The following AGBL1 variants were observed in gnomAD, a reference collection of about 807,000 sequenced individuals.
AGBL1 encodes AGBL carboxypeptidase 1, also known as cytosolic carboxypeptidase 4.
In AGBL1, 130 loss-of-function variants were observed where a neutral mutation model predicts 118.9. That is an observed-to-expected ratio of 1.09 (90% CI 0.95 to 1.26). The LOEUF is 1.26. AGBL1 is among the 50% of genes most tolerant of loss of function. The probability of loss-of-function intolerance (pLI) is 0.00; values close to 1 mark genes in which losing one functional copy is unlikely to be tolerated. For missense variants in AGBL1, 1,584 were observed against 1,298.1 expected, an observed-to-expected ratio of 1.22 and a Z score of -3.38; for synonymous variants, 555 against 478.9, an observed-to-expected ratio of 1.16 and a Z score of -2.08.
intron 6 of AGBL1, among the ~76,000 whole-genome samples, chr15:86,234,794 G>A (rs10852074): frequency 0.73 from 110,586 of 152,000 alleles, 41,133 homozygotes; most frequent in African/African-American, 0.88. Context: ...ACTGGATCTT[G>A]GTACATCTCA....
intron 18 of AGBL1, among the ~76,000 whole-genome samples, chr15:86,481,049 A>G (rs1011637540): frequency 4.6e-5 from 7 of 151,790 alleles, no homozygotes; most frequent in African/African-American, 1.7e-4. Context: ...AGAGGGAGGT[A>G]GCAGAACAAA....
chr15:86,469,621 G>C (rs1177569605), intron 18 of AGBL1, among the ~76,000 whole-genome samples: 1 of 152,088 alleles, frequency 6.6e-6, no homozygotes, highest in Non-Finnish European at 1.5e-5. Flanking sequence ...CTGGATCATA[G>C]GGTAGTTCAT....
chr15:86,724,066 T>C (rs1460471205), intron 22 of AGBL1, among the ~76,000 whole-genome samples: 1 of 151,780 alleles, frequency 6.6e-6, no homozygotes, highest in East Asian at 1.9e-4. Flanking sequence ...AAAACCCGTC[T>C]CTAATAAAAA....
intron 7 of AGBL1, 52 bp from the exon 8 acceptor site, chr15:86,256,801 T>C: frequency 6.3e-7 from 1 of 1,593,624 alleles, no homozygotes; most frequent in South Asian, 1.1e-5. Context: ...GTGTTACAGC[T>C]AGGGGACTGT....
intron 1 of AGBL1, among the ~76,000 whole-genome samples, chr15:86,115,137 T>C (rs1897674285): frequency 6.6e-6 from 1 of 152,184 alleles, no homozygotes; most frequent in Admixed American, 6.5e-5. Context: ...AGACCACTTT[T>C]GTTTTCCTAA....
intron 17 of AGBL1, among the ~76,000 whole-genome samples, chr15:86,348,889 T>C (rs2080581527): frequency 6.6e-6 from 1 of 151,746 alleles, no homozygotes; most frequent in South Asian, 2.1e-4. Flanking sequence ...TTCAGAAAAC[T>C]ATGAATGTGA....
At chr15:86,308,520 G>C (rs949517859) in intron 17 of AGBL1, among the ~76,000 whole-genome samples, 3 of 152,130 alleles carry the variant, frequency 2.0e-5, no homozygotes, top group African/African-American at 7.2e-5. Flanking sequence ...AAGCCACCCA[G>C]TCTATAATAT....
chr15:86,208,012 T>A (rs1355544895), intron 5 of AGBL1, among the ~76,000 whole-genome samples: 1 of 30,412 alleles, frequency 3.3e-5, no homozygotes, highest in Non-Finnish European at 6.3e-5. Flanking sequence ...TATTGAGAGT[T>A]TTTTTTTTTA....
chr15:86,590,928 T>A (rs879177509), intron 21 of AGBL1, among the ~76,000 whole-genome samples: 1 of 152,230 alleles, frequency 6.6e-6, no homozygotes, highest in East Asian at 1.9e-4. Context: ...AAAATATACA[T>A]TGATACAGTA....
chr15:86,705,379 A>T (rs1177744143), intron 22 of AGBL1, among the ~76,000 whole-genome samples: 1 of 152,168 alleles, frequency 6.6e-6, no homozygotes, highest in East Asian at 1.9e-4. Flanking sequence ...GTAAGAATGG[A>T]CTAAAACATA....
intron 22 of AGBL1, among the ~76,000 whole-genome samples, chr15:86,795,012 G>A (rs931288787): frequency 1.3e-5 from 2 of 151,610 alleles, no homozygotes; most frequent in Admixed American, 1.3e-4. Flanking sequence ...GAAAATAAGA[G>A]ACCCAGCACC....
In AGBL1 at chr15:86,616,090, G is replaced by A. The variant is rs150117763; in HGVS notation, c.2995-58183G>A. 3.9e-5 allele frequency among the ~76,000 whole-genome samples: 6 copies of A among 152,018 alleles called. No individual in the cohort carries two copies. The East Asian group carries it at 5.8e-4, about 15-fold the overall frequency. On this transcript the variant is annotated intron_variant, in intron 21 of 22. Transcript: ENST00000614907. ...ATTGGCTCACCCCTGTAATCCCAGC[G>A]CTTTGGGAGGCTGAGGCAAGTGGAT...
In AGBL1 at chr15:86,630,170, G is replaced by A. The variant is rs2084942169; in HGVS notation, c.2995-44103G>A. ...GCCATGTCTGTCCAACTTCCTTTGT[G>A]TACAAGGTTAATGACTGTGTTTTGT... is the stretch of plus-strand genomic sequence containing the variant. On this transcript the variant is annotated intron_variant, in intron 21 of 22. Coordinates refer to ENST00000614907, the MANE Select transcript of AGBL1 (RefSeq NM_001386094.1). The A allele has an allele frequency of 4.6e-5, 7 of 152,210 alleles. No homozygotes were observed. In the South Asian group the frequency reaches 1.4e-3, roughly 31 times the overall value. The allele number at this position is 152,210 out of a possible 1,614,324, so 9.4% of individuals were successfully genotyped here. A position where few individuals can be genotyped will look rare whatever the true frequency, so the allele number is the denominator to read the frequency against.
chr15:86,756,384 G>A (rs768244843), intron 22 of AGBL1, among the ~76,000 whole-genome samples: 2 of 151,898 alleles, frequency 1.3e-5, no homozygotes, highest in Non-Finnish European at 1.5e-5. Context: ...ACTACCATGT[G>A]CTGGGGATTG....
intron 18 of AGBL1, among the ~76,000 whole-genome samples, chr15:86,439,259 G>A (rs1028077529): frequency 2.0e-5 from 3 of 152,066 alleles, no homozygotes; most frequent in Non-Finnish European, 4.4e-5. Context: ...ATATTTAAAC[G>A]TTGAAACTAA....
Position 86,886,498 on chromosome 15 carries a change from GC to G in AGBL1, c.3159-20587del, listed in dbSNP as rs1173987413. 9.9e-5 allele frequency among the ~76,000 whole-genome samples: 15 copies of G among 152,230 alleles called. No homozygotes were observed. The East Asian group carries it at 2.9e-3, about 29-fold the overall frequency. On this transcript the variant is annotated intron_variant, in intron 22 of 22. Coordinates refer to ENST00000614907, the MANE Select transcript of AGBL1 (RefSeq NM_001386094.1). ...CAAGTTTAAAGAAGAGAATTATTCT[GC>G]CTTTCTTTAATTAGCATTTGTTTTG...
intron 21 of AGBL1, among the ~76,000 whole-genome samples, chr15:86,577,624 A>C (rs11635431): frequency 1.3e-5 from 2 of 151,962 alleles, no homozygotes; most frequent in African/African-American, 4.8e-5. Flanking sequence ...TGGCCTGGAG[A>C]TCTGAGGGGA....
At chr15:86,689,645 C>T (rs1021925380) in intron 22 of AGBL1, among the ~76,000 whole-genome samples, 7 of 151,984 alleles carry the variant, frequency 4.6e-5, no homozygotes, top group Admixed American at 4.6e-4. Context: ...TGGGGATTTA[C>T]ACCCATGGCA....
chr15:86,581,602 C>G (rs906375580), intron 21 of AGBL1, among the ~76,000 whole-genome samples: 1 of 152,154 alleles, frequency 6.6e-6, no homozygotes, highest in Admixed American at 6.5e-5. Flanking sequence ...GTTTCCATAA[C>G]AAATCAATTT....
Sources: gnomAD v4.1 joint callset for allele counts (sites outside exome capture counted in the v4.1 genomes callset) on GRCh38, gnomAD v4.1.1 for gene constraint, MANE v1.5 for transcripts, NCBI Gene and HGNC (gene_info 2026-07-23, HGNC 2026-07-21) for gene names.